The following DNAH3 variants were observed in gnomAD, a reference collection of about 807,000 sequenced individuals.
DNAH3 encodes the protein dynein axonemal heavy chain 3, also known as axonemal beta dynein heavy chain 3.
DNAH3 carries 332 observed loss-of-function variants against 432.5 expected under a neutral mutation model. That is an observed-to-expected ratio of 0.77 (90% CI 0.70 to 0.84). The LOEUF (loss-of-function observed/expected upper bound fraction) is 0.84. DNAH3 is among the 40% of genes least tolerant of loss of function. The probability of loss-of-function intolerance (pLI) is 0.00; values close to 1 mark genes in which losing one functional copy is unlikely to be tolerated. For synonymous variants in DNAH3, 1,956 were observed against 1,900.2 expected, an observed-to-expected ratio of 1.03 and a Z score of -0.76; for missense variants, 4,861 against 5,114.0, an observed-to-expected ratio of 0.95 and a Z score of 1.51.
intron 1 of DNAH3, among the ~76,000 whole-genome samples, chr16:21,148,176 A>G (rs961708637): frequency 6.6e-6 from 1 of 152,172 alleles, no homozygotes; most frequent in Non-Finnish European, 1.5e-5. Flanking sequence ...CAACCCCTTA[A>G]AGATGACTCA....
chr16:21,099,276 A>ATGGATG (rs2091774965), intron 16 of DNAH3, among the ~76,000 whole-genome samples: 2 of 124,928 alleles, frequency 1.6e-5, no homozygotes, highest in Admixed American at 1.6e-4. Flanking sequence ...ATGGATGGAC[A>ATGGATG]GATGGATGGA....
chr16:20,975,435 G>A lies in DNAH3; in HGVS notation c.8077-20C>T. On this transcript the variant is annotated intron_variant, in intron 50 of 61. Transcript: ENST00000261383. ...CGCTACCTAGCAAGGAGAGAGGTGG[G>A]AGAAATCCAGGGTCAGCACTGAAAA... 1.2e-6 allele frequency: 2 copies of A among 1,608,476 alleles called. No homozygotes were observed. The highest frequency in any genetic ancestry group is 1.7e-6 in the Non-Finnish European group (2 of 1,177,114).
chr16:21,125,806 A>G (rs761949135), intron 8 of DNAH3, among the ~76,000 whole-genome samples: 66 of 152,210 alleles, frequency 4.3e-4, no homozygotes, highest in Non-Finnish European at 8.7e-4. Flanking sequence ...GAGAAACTCC[A>G]GTGTGGCCCT....
intron 21 of DNAH3, among the ~76,000 whole-genome samples, chr16:21,075,198 G>T (rs2090931621): frequency 6.6e-6 from 1 of 152,136 alleles, no homozygotes; most frequent in Admixed American, 6.5e-5. Flanking sequence ...AGGCTTGCTT[G>T]GTTCCTTTGC....
chr16:21,091,463 A>G (rs538157972), intron 18 of DNAH3, among the ~76,000 whole-genome samples: 6 of 152,326 alleles, frequency 3.9e-5, no homozygotes, highest in Non-Finnish European at 4.4e-5. Flanking sequence ...ACAGGACACA[A>G]TATTAACATT....
At chr16:21,031,945 G>A (rs2088899952) in intron 36 of DNAH3, among the ~76,000 whole-genome samples, 1 of 151,888 alleles carries the variant, frequency 6.6e-6, no homozygotes, top group South Asian at 2.1e-4. Context: ...TGAGGCAGGA[G>A]AAACACTTGG....
chr16:21,070,672 C>G (rs149070359), intron 22 of DNAH3, 38 bp downstream of exon 22: 2 of 1,389,604 alleles, frequency 1.4e-6, no homozygotes, highest in Admixed American at 1.7e-5. Flanking sequence ...CCAGAGCTAA[C>G]GAAACACCTC....
chr16:21,025,881 C>A (rs950898951), intron 38 of DNAH3, among the ~76,000 whole-genome samples: 6 of 152,028 alleles, frequency 3.9e-5, no homozygotes, highest in African/African-American at 1.4e-4. Context: ...TTACGGGCAC[C>A]CACCACCATG....
intron 5 of DNAH3, among the ~76,000 whole-genome samples, chr16:21,137,190 G>A (rs956433272): frequency 6.6e-6 from 1 of 150,916 alleles, no homozygotes; most frequent in Non-Finnish European, 1.5e-5. Context: ...TTTACCCCCC[G>A]GAAGCTTTCA....
At chr16:20,942,110 CAAGAGCCG>C (rs969235598) in intron 58 of DNAH3, among the ~76,000 whole-genome samples, 5 of 150,978 alleles carry the variant, frequency 3.3e-5, no homozygotes, top group Admixed American at 3.3e-4. Context: ...ACACCTCAGG[CAAGAGCCG>C]AAGGGCCAGG....
chr16:21,038,881 G>A (rs2089295079), intron 33 of DNAH3, among the ~76,000 whole-genome samples: 1 of 152,162 alleles, frequency 6.6e-6, no homozygotes, highest in Non-Finnish European at 1.5e-5. Flanking sequence ...ATATTCTATT[G>A]AGAATTTCTG....
At chr16:21,133,361 CAAAAAAAA>C (rs34385925) in intron 7 of DNAH3, among the ~76,000 whole-genome samples, 2 of 70,204 alleles carry the variant, frequency 2.8e-5, no homozygotes, top group African/African-American at 1.1e-4. Context: ...AGATTCGTCT[CAAAAAAAA>C]AAAAAAAAAA....
chr16:20,960,543 G>C (rs989052699), intron 53 of DNAH3, among the ~76,000 whole-genome samples: 3 of 152,082 alleles, frequency 2.0e-5, no homozygotes, highest in Admixed American at 1.3e-4. Flanking sequence ...AAAATTAGCT[G>C]GGCTAATTAA....
In DNAH3 at chr16:20,982,801, C is replaced by T. The variant is rs749121021; in HGVS notation, c.7779G>A (p.Gln2593=). Reference sequence around the variant, plus strand: ...ACTCTAGGGCATCTGTGGGCCAGGACTGGAACCAATCAATCGTACAGCAAT... The same window carrying T: ...ACTCTAGGGCATCTGTGGGCCAGGATTGGAACCAATCAATCGTACAGCAAT... Residue 2593 remains glutamine (Q), a synonymous_variant, in exon 49 of 62, where the codon CAG becomes CAA. Coordinates refer to ENST00000261383, the Ensembl canonical transcript of DNAH3. 12 of 1,614,206 alleles carry T rather than the reference C, an allele frequency of 7.4e-6. No individual in the cohort carries two copies. In the East Asian group the frequency reaches 2.7e-4, roughly 36 times the overall value.
chr16:21,134,038 T>C lies in DNAH3; in HGVS notation c.1082+221A>G, dbSNP rs541100841. ...CAATTAAGCAGGATATTCCAGTGCT[T>C]AGAGACAGGCACAGGGTGCCCTGGG... On this transcript the variant is annotated intron_variant, in intron 7 of 61. Coordinates refer to ENST00000261383, the Ensembl canonical transcript of DNAH3. 106 of 470,162 alleles carry C rather than the reference T, an allele frequency of 2.3e-4. No individual in the cohort carries two copies. The South Asian group carries it at 2.6e-3, about 11-fold the overall frequency. The allele number at this position is 470,162 out of a possible 1,614,324, so 29.1% of individuals were successfully genotyped here.
intron 54 of DNAH3, 110 bp from the exon 55 acceptor site, chr16:20,955,167 T>C (rs2084505945): frequency 5.6e-6 from 6 of 1,066,626 alleles, no homozygotes; most frequent in South Asian, 2.1e-5. Context: ...CTGGGTAACA[T>C]GGTAAAACCC....
rs199983653 is a variant in DNAH3, at chr16:21,115,668, C to G, written c.1814+1535G>C. The stretch of plus-strand genomic sequence containing the variant: ...GTTGCAGTGAGCTGAGATCATGCCA[C>G]TATACTCCAGCCTGGGTGACAGAGC... On this transcript the variant is annotated intron_variant, in intron 12 of 61. Transcript: ENST00000261383. Among the ~76,000 whole-genome samples the G allele has an allele frequency of 4.0e-5, 6 of 150,870 alleles. No homozygotes were observed. In the East Asian group the frequency reaches 1.2e-3, roughly 29 times the overall value.
intron 52 of DNAH3, among the ~76,000 whole-genome samples, chr16:20,967,813 C>T (rs922565005): frequency 2.0e-5 from 3 of 151,650 alleles, no homozygotes; most frequent in African/African-American, 7.3e-5. Flanking sequence ...TGGCCGACTT[C>T]TGCATTCTTT....
At chr16:21,052,473 T>G (rs2152744582) in intron 28 of DNAH3, among the ~76,000 whole-genome samples, 1 of 152,352 alleles carries the variant, frequency 6.6e-6, no homozygotes, top group East Asian at 1.9e-4. Context: ...CTGGCTGCGT[T>G]CAAATTCTGA....
Sources: allele counts gnomAD v4.1 joint callset (sites outside exome capture counted in the v4.1 genomes callset), GRCh38; gene constraint gnomAD v4.1.1; transcripts MANE v1.5; gene names NCBI Gene and HGNC (gene_info 2026-07-23, HGNC 2026-07-21).